Variants in TBC1D30 observed in about 807,000 individuals in gnomAD.
The protein encoded by TBC1D30 is TBC1 domain family, member 30.
TBC1D30 carries 31 observed loss-of-function variants against 63.2 expected under a neutral mutation model. The observed-to-expected ratio is 0.49, with a 90% CI of 0.37 to 0.66. The LOEUF (loss-of-function observed/expected upper bound fraction) is 0.66. TBC1D30 is among the 30% of genes least tolerant of loss of function. TBC1D30 has a pLI of 0.00. For synonymous variants in TBC1D30, 307 were observed against 361.5 expected, an observed-to-expected ratio of 0.85 and a Z score of 1.71; for missense variants, 810 against 953.6, an observed-to-expected ratio of 0.85 and a Z score of 1.98.
intron 2 of TBC1D30, among the ~76,000 whole-genome samples, chr12:64,793,809 C>T (rs996180447): frequency 7.9e-5 from 12 of 152,236 alleles, no homozygotes; most frequent in Non-Finnish European, 1.2e-4. Context: ...GATTGAGCCA[C>T]GCTGCTCCAC....
chr12:64,870,886 C>A, intron 11 of TBC1D30, 78 bp downstream of exon 11: 1 of 1,415,084 alleles, frequency 7.1e-7, no homozygotes, highest in Non-Finnish European at 9.6e-7. Flanking sequence ...CCTAGGAAGG[C>A]CTTGGAATTA....
upstream of TBC1D30, chr12:64,824,522 A>C: frequency 4.5e-6 from 1 of 220,348 alleles, no homozygotes; most frequent in East Asian, 9.2e-5. Context: ...GGCACGGGGG[A>C]GCTGGGGCGG....
intron 1 of TBC1D30, among the ~76,000 whole-genome samples, chr12:64,773,182 AT>A (rs1253999450): frequency 6.6e-6 from 1 of 152,186 alleles, no homozygotes; most frequent in Non-Finnish European, 1.5e-5. Flanking sequence ...GGTGGAAGGG[AT>A]CCCCCAGCAC....
chr12:64,823,442 G>A (rs544578238), upstream of TBC1D30, among the ~76,000 whole-genome samples: 3 of 152,146 alleles, frequency 2.0e-5, no homozygotes, highest in African/African-American at 7.2e-5. Context: ...CAATTGTTAG[G>A]GTTTTCTTTT....
chr12:64,869,899 C>G (rs1290154045), intron 10 of TBC1D30, among the ~76,000 whole-genome samples: 1 of 152,170 alleles, frequency 6.6e-6, no homozygotes, highest in Non-Finnish European at 1.5e-5. Flanking sequence ...ACAAATTGTG[C>G]TGGAGAAGCT....
intron 2 of TBC1D30, among the ~76,000 whole-genome samples, chr12:64,812,381 T>C (rs1031955169): frequency 6.6e-6 from 1 of 152,194 alleles, no homozygotes; most frequent in Admixed American, 6.5e-5. Flanking sequence ...TTATTGTTAA[T>C]CCTCCTCCTA....
exon 2 of TBC1D30, chr12:64,785,930 C>G: frequency 7.8e-7 from 1 of 1,289,844 alleles, no homozygotes; most frequent in Non-Finnish European, 1.0e-6. Flanking sequence ...ACAGAATTGG[C>G]ATCCAGTCGG....
chr12:64,797,647 C>G (rs951489718), intron 2 of TBC1D30, among the ~76,000 whole-genome samples: 1 of 152,216 alleles, frequency 6.6e-6, no homozygotes, highest in Non-Finnish European at 1.5e-5. Context: ...CATACTCTCT[C>G]TCTCTTTCCC....
At chr12:64,820,342 C>T (rs568142728), upstream of TBC1D30, among the ~76,000 whole-genome samples, 6 of 152,312 alleles carry the variant, frequency 3.9e-5, no homozygotes, top group Admixed American at 3.9e-4. Flanking sequence ...AGCATGTAGG[C>T]CTGAAGATGC....
Position 64,879,102 on chromosome 12 carries a change from GA to G in TBC1D30, c.*3318del, listed in dbSNP as rs1195207545. ...CTAATTAGAAAAGTCACAGGTTTTAGAAAATTGGGAAAACAAAAAGAGCATA... is the reference window on the plus strand; with the variant it reads ...CTAATTAGAAAAGTCACAGGTTTTAGAAATTGGGAAAACAAAAAGAGCATA... On this transcript the variant is annotated 3_prime_UTR_variant, in exon 12 of 12. Transcript: ENST00000539867. 1 of 152,380 alleles carries G rather than the reference GA, an allele frequency of 6.6e-6. No individual in the cohort carries two copies. The highest frequency in any genetic ancestry group is 2.4e-5 in the African/African-American group (1 of 41,418). 9.4% of individuals were successfully genotyped at this position (152,380 alleles called of 1,614,324 possible). A position where few individuals can be genotyped will look rare whatever the true frequency, so the allele number is the denominator to read the frequency against.
At chr12:64,766,340 C>G (rs974696251) in intron 1 of TBC1D30, among the ~76,000 whole-genome samples, 1 of 150,970 alleles carries the variant, frequency 6.6e-6, no homozygotes, top group African/African-American at 2.5e-5. Flanking sequence ...TTCAGTGAAC[C>G]CCATGCAGAA....
At chr12:64,839,079 G>T (rs374468483) in intron 7 of TBC1D30, among the ~76,000 whole-genome samples, 1 of 152,200 alleles carries the variant, frequency 6.6e-6, no homozygotes, top group African/African-American at 2.4e-5. Flanking sequence ...CTCCTCAAGT[G>T]CTTGTGTCCT....
At chr12:64,775,908 A>T (rs1037609181), upstream of TBC1D30, among the ~76,000 whole-genome samples, 2 of 152,232 alleles carry the variant, frequency 1.3e-5, no homozygotes, top group African/African-American at 4.8e-5. Context: ...AATGCAAAAG[A>T]CCTGAAATCA....
intron 8 of TBC1D30, among the ~76,000 whole-genome samples, chr12:64,853,680 A>G (rs1462542876): frequency 6.6e-6 from 1 of 152,200 alleles, no homozygotes; most frequent in African/African-American, 2.4e-5. Flanking sequence ...AAAGCATAGT[A>G]TCTGGGCCAG....
intron 10 of TBC1D30, chr12:64,868,115 A>G (rs1878372543): frequency 5.8e-6 from 1 of 170,990 alleles, no homozygotes; most frequent in East Asian, 1.6e-4. Flanking sequence ...TTCCAACAGT[A>G]TAGATCTCAT....
chr12:64,861,055 C>T (rs1481269420), intron 8 of TBC1D30, among the ~76,000 whole-genome samples: 7 of 152,234 alleles, frequency 4.6e-5, no homozygotes, highest in Non-Finnish European at 1.0e-4. Context: ...GAAGGAACCA[C>T]TTTGACACTG....
intron 5 of TBC1D30, 112 bp from the exon 6 acceptor site, chr12:64,836,378 G>A: frequency 1.3e-6 from 1 of 785,794 alleles, no homozygotes. Flanking sequence ...TTTAAGGATA[G>A]CGTGCTTTGG....
chr12:64,848,705 T>C (rs1876604267), intron 8 of TBC1D30, among the ~76,000 whole-genome samples: 1 of 152,226 alleles, frequency 6.6e-6, no homozygotes, highest in Admixed American at 6.5e-5. Context: ...TCCAAGTCTT[T>C]GCTATTGTGA....
At position 64,876,243 on chromosome 12, in the gene TBC1D30, A is replaced by G. The variant is rs995056488; in HGVS notation, c.*455A>G. On this transcript the variant is annotated 3_prime_UTR_variant, in exon 12 of 12. Transcript: ENST00000539867. ...TAAAAAGAAAGTAAGTTTCTTCGTT[A>G]CAAAAAACTTCCTGATTTTCCTTTT... The G allele has an allele frequency of 6.3e-6, 1 of 158,308 alleles. No homozygotes were observed. The highest frequency in any genetic ancestry group is 2.4e-5 in the African/African-American group (1 of 41,524). The allele number at this position is 158,308 out of a possible 1,614,324, so 9.8% of individuals were successfully genotyped here.
Sources: allele counts gnomAD v4.1 joint callset (sites outside exome capture counted in the v4.1 genomes callset), GRCh38; gene constraint gnomAD v4.1.1; transcripts MANE v1.5; gene names NCBI Gene and HGNC (gene_info 2026-07-23, HGNC 2026-07-21).